The following ARSG variants were observed in gnomAD, a reference collection of about 807,000 sequenced individuals.
ARSG encodes the protein ASG.
ARSG carries 37 observed loss-of-function variants against 50.5 expected under a neutral mutation model. The observed-to-expected ratio is 0.73, with a 90% CI of 0.56 to 0.96. The LOEUF (loss-of-function observed/expected upper bound fraction) is 0.96, where lower values mean the gene tolerates loss of function less well. Ranked by LOEUF, ARSG falls within the 50% of genes least tolerant of loss-of-function variation. ARSG has a pLI of 0.00. For synonymous variants in ARSG, 225 were observed against 254.6 expected (o/e 0.88, Z 1.11); for missense variants, 629 against 675.3 (o/e 0.93, Z 0.76).
chr17:68,284,905 C>T (rs1053751049), intron 1 of ARSG, among the ~76,000 whole-genome samples: 4 of 152,186 alleles, frequency 2.6e-5, no homozygotes, highest in Non-Finnish European at 2.9e-5. Flanking sequence ...AATCTGAGGT[C>T]TATTTCTCTT....
downstream of ARSG, chr17:68,421,516 A>C: frequency 2.0e-6 from 1 of 507,416 alleles, no homozygotes; most frequent in Non-Finnish European, 3.6e-6. Context: ...CAATATGGTT[A>C]ATTAGCATTT....
chr17:68,289,374 G>A (rs191022441), upstream of ARSG, among the ~76,000 whole-genome samples: 1 of 152,236 alleles, frequency 6.6e-6, no homozygotes, highest in Admixed American at 6.5e-5. Context: ...TTAATTTGTC[G>A]AGAGAAGATT....
chr17:68,313,681 C>CTTTTTTTTTTTTTT (rs10660116), intron 2 of ARSG, among the ~76,000 whole-genome samples: 1 of 123,398 alleles, frequency 8.1e-6, no homozygotes. Context: ...CTCTCTCTCT[C>CTTTTTTTTTTTTTT]TCTTTTTTTT....
the ARSG span, among the ~76,000 whole-genome samples, chr17:68,429,311 T>C: frequency 3.3e-5 from 5 of 152,250 alleles, no homozygotes; most frequent in South Asian, 1.0e-3. Context: ...CTGTCTTTGC[T>C]GGTTAGTTTT....
Position 68,370,431 on chromosome 17 carries a change from T to A in ARSG, c.902-13T>A. Reference sequence around the variant, plus strand: ...CCAGCCTGGTGACCATTAATGCTTTTTCTGGTTTCTAGGAGACAATGGCCC... The same window carrying A: ...CCAGCCTGGTGACCATTAATGCTTTATCTGGTTTCTAGGAGACAATGGCCC... On this transcript the variant is annotated splice_polypyrimidine_tract_variant and intron_variant, in intron 7 of 11. Transcript: ENST00000621439. 6.2e-7 allele frequency: 1 copy of A among 1,613,928 alleles called. No homozygotes were observed. The highest frequency in any genetic ancestry group is 8.5e-7 in the Non-Finnish European group (1 of 1,179,858).
intron 1 of ARSG, among the ~76,000 whole-genome samples, chr17:68,303,462 T>A (rs185133807): frequency 6.6e-6 from 1 of 152,126 alleles, no homozygotes; most frequent in Admixed American, 6.6e-5. Flanking sequence ...TTCGTTTTAT[T>A]TTTTGAGATG....
upstream of ARSG, among the ~76,000 whole-genome samples, chr17:68,288,177 T>G (rs2075887529): frequency 6.6e-6 from 1 of 151,914 alleles, no homozygotes; most frequent in African/African-American, 2.4e-5. Flanking sequence ...TTTTTTTGTA[T>G]TTTTAGTAGA....
chr17:68,397,492 C>G (rs79765418), intron 10 of ARSG, among the ~76,000 whole-genome samples: 3,675 of 152,150 alleles, frequency 0.024, 150 homozygotes, highest in African/African-American at 0.083. Flanking sequence ...GTTGCTGGAC[C>G]TGAATTTGGG....
chr17:68,275,959 G>A (rs2075502925), intron 1 of ARSG, among the ~76,000 whole-genome samples: 1 of 151,258 alleles, frequency 6.6e-6, no homozygotes, highest in Non-Finnish European at 1.5e-5. Flanking sequence ...CTCCAGCCTA[G>A]GCAACAAAGC....
At chr17:68,299,357 G>A (rs1485322560) in intron 1 of ARSG, among the ~76,000 whole-genome samples, 3 of 151,798 alleles carry the variant, frequency 2.0e-5, no homozygotes, top group African/African-American at 7.3e-5. Context: ...TGCCCACCTC[G>A]GCCTCCCAAA....
chr17:68,414,175 A>C (rs544970072), intron 11 of ARSG: 1 of 152,390 alleles, frequency 6.6e-6, no homozygotes, highest in African/African-American at 2.4e-5. Flanking sequence ...GGCTTTTATT[A>C]CATTGAGGTA....
At chr17:68,308,758 A>G (rs1362013199) in intron 2 of ARSG, among the ~76,000 whole-genome samples, 1 of 152,212 alleles carries the variant, frequency 6.6e-6, no homozygotes, top group Non-Finnish European at 1.5e-5. Context: ...CTTGAGCTAG[A>G]TACAGAGTGC....
rs560612000 is a variant in ARSG at position 68,270,508 on chromosome 17, T to C, written c.-552+11082T>C. ...GGTGGAGGTTGCAGTGAGCTGAGAC[T>C]GCGCCACTGCACTCCAGCCTGGGTG... On this transcript the variant is annotated intron_variant, in intron 1 of 11. Transcript: ENST00000448504. Among the ~76,000 whole-genome samples the C allele has an allele frequency of 2.0e-5, 3 of 148,414 alleles. No individual in the cohort carries two copies. In the South Asian group the frequency reaches 6.5e-4, roughly 32 times the overall value.
intron 2 of ARSG, among the ~76,000 whole-genome samples, chr17:68,337,487 G>C (rs2078074399): frequency 6.6e-6 from 1 of 152,160 alleles, no homozygotes; most frequent in African/African-American, 2.4e-5. Flanking sequence ...GGCCAAAGGA[G>C]GATGAAGACA....
chr17:68,269,009 G>T, intron 1 of ARSG: 5 of 1,575,462 alleles, frequency 3.2e-6, no homozygotes, highest in Non-Finnish European at 4.3e-6. Context: ...GAGTAGAGGG[G>T]TTAGCTCCTC....
intron 5 of ARSG, among the ~76,000 whole-genome samples, chr17:68,354,462 TG>T (rs2078946431): frequency 6.8e-6 from 1 of 146,234 alleles, no homozygotes; most frequent in African/African-American, 2.5e-5. Context: ...AGAGAAATAA[TG>T]GGTGGCTTAG....
At chr17:68,361,871 A>G (rs967711316) in intron 6 of ARSG, among the ~76,000 whole-genome samples, 9 of 152,180 alleles carry the variant, frequency 5.9e-5, no homozygotes, top group African/African-American at 2.2e-4. Flanking sequence ...AGCCGAGATC[A>G]TGCCATTACA....
intron 8 of ARSG, among the ~76,000 whole-genome samples, chr17:68,380,355 C>G (rs551155817): frequency 6.6e-6 from 1 of 152,132 alleles, no homozygotes; most frequent in South Asian, 2.1e-4. Flanking sequence ...GATCATCCCA[C>G]CTCAGCCTCC....
rs753676112 is a variant in ARSG, at chr17:68,385,046, C to T, written c.983-18C>T. The T allele has an allele frequency of 6.2e-7, 1 of 1,603,042 alleles. No homozygotes were observed. The highest frequency in any genetic ancestry group is 8.5e-7 in the Non-Finnish European group (1 of 1,170,008). ...GTTATCACCATGGATGAACCAGCTG[C>T]CTCCCCTCCTCTCACAGGGGGAAGT... On this transcript the variant is annotated intron_variant, in intron 8 of 11. Coordinates refer to ENST00000621439, the MANE Select transcript of ARSG (RefSeq NM_001267727.2).
Sources: allele counts gnomAD v4.1 joint callset (sites outside exome capture counted in the v4.1 genomes callset), GRCh38; gene constraint gnomAD v4.1.1; transcripts MANE v1.5; gene names NCBI Gene and HGNC (gene_info 2026-07-23, HGNC 2026-07-21).